KLHL5: variants seen among roughly 807,000 people sequenced by gnomAD.
KLHL5 encodes kelch-like protein 5.
A neutral mutation model predicts 77.7 loss-of-function variants in KLHL5; 48 were observed. That is an observed-to-expected ratio of 0.62 (90% CI 0.49 to 0.79). The LOEUF is 0.79. Among genes scored for constraint, KLHL5 ranks in the 30% least tolerant of loss-of-function variants. KLHL5 has a pLI of 0.00. For missense variants in KLHL5, 723 were observed against 859.7 expected, an observed-to-expected ratio of 0.84 and a Z score of 1.99; for synonymous variants, 260 against 297.0, an observed-to-expected ratio of 0.88 and a Z score of 1.28.
At chr4:39,104,569 A>G (rs1015299860) in intron 7 of KLHL5, among the ~76,000 whole-genome samples, 1 of 152,212 alleles carries the variant, frequency 6.6e-6, no homozygotes, top group Non-Finnish European at 1.5e-5. Flanking sequence ...GACATTGTGC[A>G]TTGAATACTG....
At chr4:39,097,047 T>C (rs763663456) in intron 6 of KLHL5, among the ~76,000 whole-genome samples, 169 bp downstream of exon 6, 3 of 152,078 alleles carry the variant, frequency 2.0e-5, no homozygotes, top group Admixed American at 6.6e-5. Context: ...AAGGAAGTGC[T>C]CAAAGAATGA....
chr4:39,071,165 A>G (rs931169608), intron 1 of KLHL5, among the ~76,000 whole-genome samples: 4 of 152,150 alleles, frequency 2.6e-5, no homozygotes, highest in African/African-American at 9.7e-5. Flanking sequence ...AAGGATATGT[A>G]TCAAATTTAG....
At chr4:39,049,687 A>G (rs368149314) in intron 1 of KLHL5, among the ~76,000 whole-genome samples, 1 of 132,606 alleles carries the variant, frequency 7.5e-6, no homozygotes, top group East Asian at 2.2e-4. Flanking sequence ...GGACAGCAAG[A>G]CCTTGTCTCA....
intron 1 of KLHL5, chr4:39,045,130 G>A (rs1026628278): frequency 9.1e-6 from 9 of 984,312 alleles, no homozygotes; most frequent in Non-Finnish European, 1.1e-5. Context: ...ATCGGGGAGG[G>A]GGCCGCCTCG....
At chr4:39,065,344 G>A (rs1269818037) in intron 1 of KLHL5, among the ~76,000 whole-genome samples, 1 of 141,258 alleles carries the variant, frequency 7.1e-6, no homozygotes, top group Non-Finnish European at 1.5e-5. Flanking sequence ...ATGTCACACT[G>A]ACATTCATCA....
At chr4:39,084,370 G>GTCT (rs1407542171) in intron 4 of KLHL5, among the ~76,000 whole-genome samples, 1 of 152,058 alleles carries the variant, frequency 6.6e-6, no homozygotes, top group Non-Finnish European at 1.5e-5. Flanking sequence ...CTCTAAAAAA[G>GTCT]TCTTAAGACT....
chr4:39,085,474 C>A (rs1212107571), intron 4 of KLHL5, among the ~76,000 whole-genome samples: 1 of 152,146 alleles, frequency 6.6e-6, no homozygotes. Context: ...CCTCTGCATG[C>A]TGAGACAGCG....
At chr4:39,062,099 A>T, upstream of KLHL5, 1 of 319,998 alleles carries the variant, frequency 3.1e-6, no homozygotes, top group East Asian at 1.7e-4. Context: ...TATTTCACTT[A>T]GGGACTTAGT....
rs1206314770 is a variant in KLHL5 at position 39,121,700 on chromosome 4, A to G, written c.*634A>G. 3.3e-5 allele frequency: 5 copies of G among 152,682 alleles called. No individual in the cohort carries two copies. The Admixed American group carries it at 3.3e-4, about 10-fold the overall frequency. The allele number at this position is 152,682 out of a possible 1,614,324, so 9.5% of individuals were successfully genotyped here. A position where few individuals can be genotyped will look rare whatever the true frequency, so the allele number is the denominator to read the frequency against. On this transcript the variant is annotated 3_prime_UTR_variant, in exon 11 of 11. Coordinates refer to ENST00000504108, the MANE Select transcript of KLHL5 (RefSeq NM_015990.5). ...TGATAGGATCTTTGAAGTCTATTTAAATATTCATTCCATTACATCTAGACT... is the reference window on the plus strand; with the variant it reads ...TGATAGGATCTTTGAAGTCTATTTAGATATTCATTCCATTACATCTAGACT...
chr4:39,096,670 C>G (rs1229809627), intron 5 of KLHL5, 22 bp from the exon 6 acceptor site: 2 of 1,559,196 alleles, frequency 1.3e-6, no homozygotes, highest in Non-Finnish European at 8.8e-7. Flanking sequence ...ATTCAGTATA[C>G]ATACCTACTA....
At chr4:39,047,635 T>C (rs1407340090) in intron 1 of KLHL5, among the ~76,000 whole-genome samples, 1 of 152,244 alleles carries the variant, frequency 6.6e-6, no homozygotes, top group Non-Finnish European at 1.5e-5. Context: ...TTCATTGTTC[T>C]GCAAGTTGCC....
chr4:39,080,475 G>A lies in KLHL5; in HGVS notation c.567-628G>A, dbSNP rs528655417. Among the ~76,000 whole-genome samples the A allele has an allele frequency of 2.2e-4, 33 of 151,408 alleles. No individual in the cohort carries two copies. The East Asian group carries it at 5.2e-3, about 24-fold the overall frequency. ...TGGGAAGCAGAGGTTGCAGTGAGCC[G>A]AGATCATAGCATGGCACGCCAGCCT... On this transcript the variant is annotated intron_variant, in intron 2 of 10. Coordinates refer to ENST00000504108, the MANE Select transcript of KLHL5 (RefSeq NM_015990.5).
At chr4:39,055,930 G>A (rs535938992) in intron 1 of KLHL5, among the ~76,000 whole-genome samples, 5 of 151,772 alleles carry the variant, frequency 3.3e-5, no homozygotes, top group South Asian at 2.1e-4. Flanking sequence ...ATCTTCCCTC[G>A]TATACTTATA....
rs1230737895 is a variant in KLHL5, at chr4:39,125,305, AG to A, written c.*4240del. On this transcript the variant is annotated 3_prime_UTR_variant, in exon 11 of 11. Coordinates refer to ENST00000504108, the MANE Select transcript of KLHL5 (RefSeq NM_015990.5). ...GCAGTTCCTCAATAAGTTAAAAAAA[AG>A]AATTACCATATGACCCAGCAAGTCC... Among the ~76,000 whole-genome samples the A allele has an allele frequency of 6.6e-6, 1 of 152,234 alleles. No individual in the cohort carries two copies. Among genetic ancestry groups the A allele is most frequent in the Non-Finnish European group, 1.5e-5 (1 of 68,044 alleles).
At chr4:39,109,715 A>T (rs1393128573) in intron 8 of KLHL5, among the ~76,000 whole-genome samples, 5 of 149,104 alleles carry the variant, frequency 3.4e-5, no homozygotes, top group Non-Finnish European at 7.4e-5. Flanking sequence ...GGCAGTGGGC[A>T]ATCTCAGCTC....
chr4:39,080,753 A>AT (rs752173555), intron 2 of KLHL5, among the ~76,000 whole-genome samples: 18 of 152,114 alleles, frequency 1.2e-4, no homozygotes, highest in Non-Finnish European at 1.9e-4. Flanking sequence ...CTATAATTAA[A>AT]TTTTTTTAAA....
chr4:39,107,751 TC>T lies in KLHL5; in HGVS notation c.1688+22del. ...TGGAAAGTAAGGAAATATTTAAAGT[TC>T]CATTTAAAATGCAATACACCAAATT... On this transcript the variant is annotated intron_variant, in intron 8 of 10. Coordinates refer to ENST00000504108, the MANE Select transcript of KLHL5 (RefSeq NM_015990.5). 1 of 1,560,538 alleles carries T rather than the reference TC, an allele frequency of 6.4e-7. No homozygotes were observed. Among genetic ancestry groups the T allele is most frequent in the Non-Finnish European group, 8.8e-7 (1 of 1,142,850 alleles).
intron 4 of KLHL5, among the ~76,000 whole-genome samples, chr4:39,085,678 C>T (rs1304212006): frequency 2.6e-5 from 4 of 152,018 alleles, no homozygotes; most frequent in African/African-American, 9.7e-5. Flanking sequence ...TTTTTATTTC[C>T]CATTTCAAAT....
chr4:39,113,955 C>A (rs1372693368), intron 9 of KLHL5, among the ~76,000 whole-genome samples: 1 of 151,900 alleles, frequency 6.6e-6, no homozygotes, highest in Non-Finnish European at 1.5e-5. Context: ...TTAATGAGTG[C>A]CCATGTGTGA....
Sources: allele counts gnomAD v4.1 joint callset (sites outside exome capture counted in the v4.1 genomes callset), GRCh38; gene constraint gnomAD v4.1.1; transcripts MANE v1.5; gene names NCBI Gene and HGNC (gene_info 2026-07-23, HGNC 2026-07-21).